Variants in TNFAIP8 observed in about 807,000 individuals in gnomAD.
TNFAIP8 encodes the protein tumor necrosis factor alpha-induced protein 8.
TNFAIP8 carries 7 observed loss-of-function variants against 13.3 expected under a neutral mutation model. The ratio of observed to expected loss-of-function variants is 0.52; its 90% confidence interval spans 0.30 to 0.99. TNFAIP8 has a LOEUF of 0.99. Ranked by LOEUF, TNFAIP8 falls within the 50% of genes least tolerant of loss-of-function variation. TNFAIP8 has a pLI of 0.07. For missense variants in TNFAIP8, 258 were observed against 236.9 expected (o/e 1.09, Z -0.58); for synonymous variants, 94 against 87.6 (o/e 1.07, Z -0.41).
intron 1 of TNFAIP8, among the ~76,000 whole-genome samples, chr5:119,275,201 A>G (rs565319262): frequency 1.3e-5 from 2 of 152,320 alleles, no homozygotes; most frequent in African/African-American, 4.8e-5. Flanking sequence ...AATATTAACA[A>G]GCAACCAGGT....
chr5:119,323,897 T>C (rs777831374), intron 1 of TNFAIP8, among the ~76,000 whole-genome samples: 6 of 152,194 alleles, frequency 3.9e-5, no homozygotes, highest in Non-Finnish European at 8.8e-5. Context: ...TTTGTTAAAC[T>C]TTCAAACCTG....
At chr5:119,385,297 C>A (rs1397919224) in intron 1 of TNFAIP8, among the ~76,000 whole-genome samples, 3 of 152,194 alleles carry the variant, frequency 2.0e-5, no homozygotes, top group African/African-American at 7.2e-5. Flanking sequence ...GGCTTCACGC[C>A]CTGCTGTTGG....
chr5:119,336,954 A>G (rs1031186451), intron 1 of TNFAIP8, among the ~76,000 whole-genome samples: 5 of 152,006 alleles, frequency 3.3e-5, no homozygotes, highest in African/African-American at 4.8e-5. Flanking sequence ...TTCCCCTTCT[A>G]TCTCCTTTAG....
intron 1 of TNFAIP8, among the ~76,000 whole-genome samples, chr5:119,366,879 G>A (rs1751876629): frequency 6.6e-6 from 1 of 152,212 alleles, no homozygotes; most frequent in South Asian, 2.1e-4. Flanking sequence ...TGACATTCCT[G>A]TCCTTGCCAC....
chr5:119,302,100 C>T (rs1212114676), intron 1 of TNFAIP8, among the ~76,000 whole-genome samples: 4 of 152,212 alleles, frequency 2.6e-5, no homozygotes, highest in African/African-American at 9.7e-5. Flanking sequence ...TGGTTATTCA[C>T]TCACCAGATA....
At chr5:119,271,178 A>G (rs1358184131) in intron 1 of TNFAIP8, among the ~76,000 whole-genome samples, 2 of 152,240 alleles carry the variant, frequency 1.3e-5, no homozygotes, top group Non-Finnish European at 2.9e-5. Flanking sequence ...GTTCTTTGCA[A>G]TTCTCATTCT....
intron 1 of TNFAIP8, among the ~76,000 whole-genome samples, chr5:119,290,183 A>G: frequency 7.8e-6 from 1 of 127,802 alleles, no homozygotes; most frequent in Admixed American, 7.3e-5. Context: ...GTTGCTGCAT[A>G]ACAGATTACT....
chr5:119,317,667 C>T (rs1437782463), intron 1 of TNFAIP8, among the ~76,000 whole-genome samples: 4 of 151,450 alleles, frequency 2.6e-5, no homozygotes, highest in East Asian at 1.9e-4. Flanking sequence ...GGCGCGATTT[C>T]GGCTCACTGC....
rs576771108 is a variant in TNFAIP8 at position 119,292,287 on chromosome 5, G to T, written c.1+23380G>T. On this transcript the variant is annotated intron_variant, in intron 1 of 1. Coordinates refer to the TNFAIP8 transcript ENST00000274456. ...AGGGCTCCAGGAGGAGTGTTTCTGG[G>T]AGGAGCAGGAATGAAACTGATTAGA... is the stretch of plus-strand genomic sequence containing the variant. Among the ~76,000 whole-genome samples the T allele has an allele frequency of 4.3e-4, 62 of 145,532 alleles. 1 individual carries two copies. The South Asian group carries it at 0.014, about 33-fold the overall frequency.
intron 1 of TNFAIP8, among the ~76,000 whole-genome samples, chr5:119,342,056 G>A (rs927389333): frequency 2.0e-5 from 3 of 151,982 alleles, no homozygotes; most frequent in Non-Finnish European, 4.4e-5. Context: ...CTGAAGGGAA[G>A]GAACAAAGAG....
intron 1 of TNFAIP8, among the ~76,000 whole-genome samples, chr5:119,307,708 C>T (rs975644445): frequency 1.3e-5 from 2 of 152,184 alleles, no homozygotes; most frequent in Non-Finnish European, 2.9e-5. Flanking sequence ...TTAAATTGTG[C>T]ATCTTACAAC....
At chr5:119,334,624 C>CATGT (rs148502522) in intron 1 of TNFAIP8, among the ~76,000 whole-genome samples, 2 of 135,694 alleles carry the variant, frequency 1.5e-5, no homozygotes, top group Non-Finnish European at 3.1e-5. Flanking sequence ...GTGATCCTTT[C>CATGT]GTGTGTGTGT....
At chr5:119,325,232 G>C (rs1012948393) in intron 1 of TNFAIP8, among the ~76,000 whole-genome samples, 1 of 152,138 alleles carries the variant, frequency 6.6e-6, no homozygotes, top group Non-Finnish European at 1.5e-5. Flanking sequence ...CCACACTTCT[G>C]TCTATTTCAT....
chr5:119,278,376 AGTGTGTGTGTGTGTGTGTGTGTGT>A (rs71591297), intron 1 of TNFAIP8, among the ~76,000 whole-genome samples: 2 of 108,190 alleles, frequency 1.8e-5, no homozygotes, highest in African/African-American at 7.6e-5. Flanking sequence ...AGAGAGAGAG[AGTGTGTGTGTGTGTGTGTGTGTGT>A]GTGTGTGTGT....
At chr5:119,325,394 T>C (rs1750191870) in intron 1 of TNFAIP8, among the ~76,000 whole-genome samples, 1 of 152,256 alleles carries the variant, frequency 6.6e-6, no homozygotes, top group African/African-American at 2.4e-5. Context: ...CTACATATTC[T>C]GGCCTTTGCC....
chr5:119,297,881 G>C (rs1749228607), intron 1 of TNFAIP8, among the ~76,000 whole-genome samples: 1 of 152,022 alleles, frequency 6.6e-6, no homozygotes, highest in Admixed American at 6.5e-5. Flanking sequence ...TGTCTCTTTT[G>C]ATCTTTGTTG....
At chr5:119,384,539 A>G (rs1319732866) in intron 1 of TNFAIP8, among the ~76,000 whole-genome samples, 1 of 152,168 alleles carries the variant, frequency 6.6e-6, no homozygotes. Flanking sequence ...GGTTCCAGGG[A>G]TAATGTAGTA....
At chr5:119,341,277 C>T (rs1160756654) in intron 1 of TNFAIP8, among the ~76,000 whole-genome samples, 4 of 152,052 alleles carry the variant, frequency 2.6e-5, no homozygotes, top group Non-Finnish European at 5.9e-5. Context: ...GTCCCAAACT[C>T]AAATGTCCAC....
intron 1 of TNFAIP8, among the ~76,000 whole-genome samples, chr5:119,287,948 G>A (rs1377872677): frequency 6.6e-6 from 1 of 152,182 alleles, no homozygotes; most frequent in Non-Finnish European, 1.5e-5. Flanking sequence ...AGTTGGTCTA[G>A]ACAGTCACCA....
Sources: allele counts gnomAD v4.1 joint callset (sites outside exome capture counted in the v4.1 genomes callset), GRCh38; gene constraint gnomAD v4.1.1; transcripts MANE v1.5; gene names NCBI Gene and HGNC (gene_info 2026-07-23, HGNC 2026-07-21).